DORIP1: variants seen among roughly 807,000 people sequenced by gnomAD.
DORIP1 encodes the protein dopamine receptor interacting protein 1.
At chr14:44,904,238 A>G in the DORIP1 span, 7 of 985,156 alleles carry the variant, frequency 7.1e-6, no homozygotes, top group South Asian at 9.4e-5. Context: ...ATTAGGTGAT[A>G]TAAGGTAGTA....
the DORIP1 span, chr14:44,900,827 T>C: frequency 6.2e-7 from 1 of 1,614,120 alleles, no homozygotes; most frequent in Non-Finnish European, 8.5e-7. Context: ...ATAATTGATT[T>C]GTTTGGGAAT....
At chr14:44,903,431 G>T in the DORIP1 span, 1 of 1,434,834 alleles carries the variant, frequency 7.0e-7, no homozygotes, top group South Asian at 1.6e-5. Flanking sequence ...TTTTTGTTAC[G>T]GAGTATATCA....
chr14:44,900,614 A>G, the DORIP1 span: 2 of 1,609,964 alleles, frequency 1.2e-6, no homozygotes, highest in Non-Finnish European at 1.7e-6. Flanking sequence ...TGCACCATAG[A>G]TGGATTCTTG....
chr14:44,903,651 G>A, the DORIP1 span: 1 of 992,476 alleles, frequency 1.0e-6, no homozygotes, highest in Non-Finnish European at 1.2e-6. Context: ...AGTAAAAGTT[G>A]AGAGAAGCAG....
chr14:44,902,161 A>G, the DORIP1 span, among the ~76,000 whole-genome samples: 2 of 152,200 alleles, frequency 1.3e-5, no homozygotes, highest in East Asian at 3.8e-4. Context: ...ATCAATGGAA[A>G]TAATTATCAA....
At chr14:44,904,642 T>G in the DORIP1 span, 3 of 1,107,516 alleles carry the variant, frequency 2.7e-6, no homozygotes, top group South Asian at 5.8e-5. Context: ...CATATCTGTC[T>G]CTAAATTTAT....
the DORIP1 span, among the ~76,000 whole-genome samples, chr14:44,898,392 G>A: frequency 3.3e-5 from 5 of 152,142 alleles, no homozygotes; most frequent in African/African-American, 1.2e-4. Flanking sequence ...TAGAGTGTAA[G>A]GGTAGTTACA....
chr14:44,902,037 C>T, the DORIP1 span, among the ~76,000 whole-genome samples: 1 of 152,216 alleles, frequency 6.6e-6, no homozygotes, highest in Non-Finnish European at 1.5e-5. Context: ...TCCAGAAAAA[C>T]AGCCTGATAG....
the DORIP1 span, chr14:44,903,444 A>G: frequency 1.4e-6 from 2 of 1,399,024 alleles, no homozygotes; most frequent in Middle Eastern, 4.5e-4. Flanking sequence ...GTATATCACT[A>G]CATAGAATAT....
At chr14:44,904,307 A>G in the DORIP1 span, 1 of 1,503,328 alleles carries the variant, frequency 6.7e-7, no homozygotes, top group Non-Finnish European at 8.8e-7. Context: ...TAATTATAAG[A>G]AAATTAAAGT....
chr14:44,897,407 A>G, the DORIP1 span: 1 of 167,184 alleles, frequency 6.0e-6, no homozygotes, highest in South Asian at 1.3e-4. Flanking sequence ...CATGGAGGCC[A>G]TGCCAGAGCC....
the DORIP1 span, chr14:44,899,410 A>C: frequency 1.3e-5 from 2 of 152,218 alleles, no homozygotes; most frequent in East Asian, 3.8e-4. Context: ...AGTATATCTA[A>C]ATTGCACAAT....
the DORIP1 span, chr14:44,901,062 G>C: frequency 2.7e-6 from 3 of 1,113,356 alleles, no homozygotes; most frequent in Non-Finnish European, 3.8e-6. Flanking sequence ...GTCAACAAAG[G>C]ACCACATATG....
the DORIP1 span, chr14:44,903,547 G>T: frequency 9.2e-7 from 1 of 1,082,068 alleles, no homozygotes; most frequent in Non-Finnish European, 1.1e-6. Flanking sequence ...TGGTTAACTG[G>T]AACCCAGCTA....
the DORIP1 span, chr14:44,897,547 G>A: frequency 9.8e-6 from 2 of 203,540 alleles, no homozygotes; most frequent in Non-Finnish European, 1.9e-5. Flanking sequence ...GGCGGCACCG[G>A]CAGTTTTCGG....
the DORIP1 span, chr14:44,899,358 G>A: frequency 6.6e-6 from 1 of 152,144 alleles, no homozygotes; most frequent in Admixed American, 6.6e-5. Flanking sequence ...ATCAAGTTCT[G>A]AATCAGATCT....
At chr14:44,902,350 CA>C in the DORIP1 span, among the ~76,000 whole-genome samples, 1 of 152,044 alleles carries the variant, frequency 6.6e-6, no homozygotes, top group African/African-American at 2.4e-5. Flanking sequence ...TTTTTTGAGA[CA>C]GGGTCTCACT....
At chr14:44,897,859 C>G in the DORIP1 span, among the ~76,000 whole-genome samples, 1 of 152,180 alleles carries the variant, frequency 6.6e-6, no homozygotes. Flanking sequence ...CGAAGTCCCG[C>G]GCTGCTGGGA....
chr14:44,898,966 C>T, the DORIP1 span: 14 of 152,308 alleles, frequency 9.2e-5, no homozygotes, highest in South Asian at 2.9e-3. Flanking sequence ...GAGGATGCAG[C>T]ACTTGGAAAA....
Sources: allele counts gnomAD v4.1 joint callset (sites outside exome capture counted in the v4.1 genomes callset), GRCh38; gene constraint gnomAD v4.1.1; transcripts MANE v1.5; gene names NCBI Gene and HGNC (gene_info 2026-07-23, HGNC 2026-07-21).